AUTS2: variants seen among roughly 807,000 people sequenced by gnomAD.
AUTS2 encodes the protein autism susceptibility gene 2 protein.
AUTS2 carries 17 observed loss-of-function variants against 112.4 expected under a neutral mutation model. The ratio of observed to expected loss-of-function variants is 0.15; its 90% CI spans 0.10 to 0.23. The LOEUF is 0.23. Ranked by LOEUF, AUTS2 falls within the 10% of genes least tolerant of loss-of-function variation. AUTS2 has a pLI of 1.00. For missense variants in AUTS2, 1,510 were observed against 1,701.6 expected (o/e 0.89, Z 1.98); for synonymous variants, 751 against 702.7 (o/e 1.07, Z -1.09).
chr7:70,464,346 A>G (rs1405096969), intron 5 of AUTS2, among the ~76,000 whole-genome samples: 1 of 152,256 alleles, frequency 6.6e-6, no homozygotes. Flanking sequence ...AGTCACTCAG[A>G]GCAACGTACA....
At chr7:69,869,314 C>T (rs1793377038) in intron 1 of AUTS2, among the ~76,000 whole-genome samples, 1 of 152,110 alleles carries the variant, frequency 6.6e-6, no homozygotes, top group African/African-American at 2.4e-5. Flanking sequence ...CTTCCTGCCA[C>T]AGTACCTTCA....
chr7:70,657,057 C>T (rs2129542343), intron 5 of AUTS2, among the ~76,000 whole-genome samples: 1 of 152,270 alleles, frequency 6.6e-6, no homozygotes, highest in Non-Finnish European at 1.5e-5. Context: ...TTAATATCAT[C>T]TCTGATGGCA....
At chr7:70,529,079 C>G (rs1156866685) in intron 5 of AUTS2, among the ~76,000 whole-genome samples, 1 of 152,096 alleles carries the variant, frequency 6.6e-6, no homozygotes, top group African/African-American at 2.4e-5. Flanking sequence ...GGGCCTGGAG[C>G]CTCTCAAAAC....
At chr7:70,396,730 G>A (rs903360210) in intron 4 of AUTS2, among the ~76,000 whole-genome samples, 4 of 152,052 alleles carry the variant, frequency 2.6e-5, no homozygotes, top group East Asian at 1.9e-4. Flanking sequence ...TCTTTCTTTC[G>A]CTGAGTAGTG....
intron 4 of AUTS2, among the ~76,000 whole-genome samples, chr7:70,257,906 C>T (rs955798878): frequency 5.3e-5 from 8 of 152,160 alleles, no homozygotes; most frequent in African/African-American, 1.9e-4. Context: ...TCCCACTCAT[C>T]CCCGACAGGG....
At chr7:70,574,317 G>A (rs1282263461) in intron 5 of AUTS2, among the ~76,000 whole-genome samples, 3 of 152,204 alleles carry the variant, frequency 2.0e-5, no homozygotes, top group African/African-American at 7.2e-5. Flanking sequence ...ACACCTGGAA[G>A]GTCCCTGCAG....
intron 2 of AUTS2, among the ~76,000 whole-genome samples, chr7:70,113,632 G>A (rs993943559): frequency 6.6e-6 from 1 of 152,164 alleles, no homozygotes; most frequent in African/African-American, 2.4e-5. Context: ...ATTTGTGGAA[G>A]GAGATTCCAT....
At chr7:70,359,612 A>T (rs1200925287) in intron 4 of AUTS2, among the ~76,000 whole-genome samples, 1 of 152,106 alleles carries the variant, frequency 6.6e-6, no homozygotes, top group African/African-American at 2.4e-5. Context: ...GAGGGATCTA[A>T]TCCATTCCCT....
intron 1 of AUTS2, among the ~76,000 whole-genome samples, chr7:69,821,631 G>T (rs1489558589): frequency 6.6e-6 from 1 of 152,138 alleles, no homozygotes; most frequent in East Asian, 1.9e-4. Context: ...GCGAGGGTCT[G>T]CAGCTTCATT....
chr7:69,982,706 C>T (rs1239349234), intron 2 of AUTS2, among the ~76,000 whole-genome samples: 1 of 152,182 alleles, frequency 6.6e-6, no homozygotes, highest in Non-Finnish European at 1.5e-5. Context: ...GATAAAACAG[C>T]GGCCTGGCCA....
At chr7:70,050,319 T>A (rs530180951) in intron 2 of AUTS2, among the ~76,000 whole-genome samples, 195 of 120,018 alleles carry the variant, frequency 1.6e-3, no homozygotes, top group Admixed American at 2.2e-3. Flanking sequence ...ATCGAGCCAC[T>A]GCAATCCAGC....
intron 4 of AUTS2, among the ~76,000 whole-genome samples, chr7:70,365,771 A>G (rs1184089997): frequency 6.6e-6 from 1 of 152,252 alleles, no homozygotes; most frequent in Admixed American, 6.5e-5. Context: ...CTGTTAAGAA[A>G]ACTTTGTTCT....
At chr7:70,282,927 A>T (rs1266936116) in intron 4 of AUTS2, among the ~76,000 whole-genome samples, 1 of 152,298 alleles carries the variant, frequency 6.6e-6, no homozygotes, top group East Asian at 1.9e-4. Flanking sequence ...CTCTTTAAAC[A>T]TTTATGCTAT....
At chr7:69,968,550 AT>A (rs1391363175) in intron 2 of AUTS2, among the ~76,000 whole-genome samples, 2 of 152,202 alleles carry the variant, frequency 1.3e-5, no homozygotes, top group Non-Finnish European at 2.9e-5. Context: ...AGGAGAGGAT[AT>A]AGCTCAGAGG....
chr7:70,150,050 G>T (rs972452340), intron 4 of AUTS2, among the ~76,000 whole-genome samples: 2 of 151,984 alleles, frequency 1.3e-5, no homozygotes, highest in African/African-American at 4.8e-5. Flanking sequence ...ATTAAGCCAA[G>T]ATTTATTAAA....
At chr7:69,808,019 T>C (rs1790385509) in intron 1 of AUTS2, among the ~76,000 whole-genome samples, 1 of 150,586 alleles carries the variant, frequency 6.6e-6, no homozygotes, top group Non-Finnish European at 1.5e-5. Context: ...TCTCCCAGGT[T>C]CAAGCAGTTC....
intron 1 of AUTS2, among the ~76,000 whole-genome samples, chr7:69,860,898 C>G (rs932309888): frequency 4.6e-5 from 7 of 152,194 alleles, no homozygotes; most frequent in Non-Finnish European, 8.8e-5. Context: ...TACTTTTCCT[C>G]TGAAAGAACT....
intron 2 of AUTS2, among the ~76,000 whole-genome samples, chr7:69,964,971 A>G (rs1210161383): frequency 6.6e-6 from 1 of 150,432 alleles, no homozygotes; most frequent in African/African-American, 2.5e-5. Flanking sequence ...CCTTATTAGT[A>G]CCCCCAGTTC....
At chr7:70,738,004 G>C (rs988188958) in intron 6 of AUTS2, among the ~76,000 whole-genome samples, 1 of 151,938 alleles carries the variant, frequency 6.6e-6, no homozygotes, top group Non-Finnish European at 1.5e-5. Context: ...AGGCTTGTAC[G>C]GAAGACATTC....
Sources: gnomAD v4.1 joint callset for allele counts (sites outside exome capture counted in the v4.1 genomes callset) on GRCh38, gnomAD v4.1.1 for gene constraint, MANE v1.5 for transcripts, NCBI Gene and HGNC (gene_info 2026-07-23, HGNC 2026-07-21) for gene names.